The following CCDC144A variants were observed in gnomAD, a reference collection of about 807,000 sequenced individuals.
CCDC144A encodes coiled-coil domain containing 144A.
CCDC144A carries 41 observed loss-of-function variants against 143.8 expected under a neutral mutation model. That is an observed-to-expected ratio of 0.29 (90% CI 0.22 to 0.37). The LOEUF is 0.37. CCDC144A is among the 10% of genes least tolerant of loss of function. CCDC144A has a pLI of 1.00. For synonymous variants in CCDC144A, 242 were observed against 517.9 expected (o/e 0.47, Z 7.23); for missense variants, 637 against 1,488.8 (o/e 0.43, Z 9.41).
chr17:16,726,360 G>C (rs1031687517), intron 8 of CCDC144A, among the ~76,000 whole-genome samples: 2 of 139,456 alleles, frequency 1.4e-5, no homozygotes, highest in Non-Finnish European at 3.0e-5. Context: ...CAGCCTGGGC[G>C]ACACAGCGAG....
At position 16,710,142 on chromosome 17, in the gene CCDC144A, C is replaced by T. The variant is rs574524375; in HGVS notation, c.1578+507C>T. On this transcript the variant is annotated intron_variant, in intron 5 of 16. Transcript: ENST00000399273. ...ATCATTTGAGGCCAGGCATTCTGGGCCGTAGTGTGCTATGCCGATCAGGTG... is the reference window on the plus strand; with the variant it reads ...ATCATTTGAGGCCAGGCATTCTGGGTCGTAGTGTGCTATGCCGATCAGGTG... 39 of 178,618 alleles carry T rather than the reference C, an allele frequency of 2.2e-4. No homozygotes were observed. The East Asian group carries it at 6.4e-3, about 29-fold the overall frequency. 11.1% of individuals were successfully genotyped at this position (178,618 alleles called of 1,614,324 possible).
the CCDC144A span, among the ~76,000 whole-genome samples, chr17:16,669,739 A>G: frequency 6.6e-6 from 1 of 152,204 alleles, no homozygotes; most frequent in Non-Finnish European, 1.5e-5. Flanking sequence ...ACTGGTATCT[A>G]GATAGATCAG....
intron 2 of CCDC144A, among the ~76,000 whole-genome samples, chr17:16,704,705 A>C (rs1911945727): frequency 6.6e-6 from 1 of 152,112 alleles, no homozygotes; most frequent in Admixed American, 6.6e-5. Flanking sequence ...CATTGAGGAA[A>C]GACCATCTCA....
At chr17:16,724,881 G>A (rs1357729333) in intron 8 of CCDC144A, among the ~76,000 whole-genome samples, 1 of 120,042 alleles carries the variant, frequency 8.3e-6, no homozygotes, top group African/African-American at 3.2e-5. Flanking sequence ...TCAATCTCCT[G>A]ACCTCGTGAT....
rs760778514 is a variant in CCDC144A, at chr17:16,690,368, G to C, written c.-33G>C. Reference sequence around the variant, plus strand: ...TTGGAAACCGCGGGCTATCCTGCTGGGAGGTTGTGGCCGAGGCAGTAGCTC... The same window carrying C: ...TTGGAAACCGCGGGCTATCCTGCTGCGAGGTTGTGGCCGAGGCAGTAGCTC... On this transcript the variant is annotated 5_prime_UTR_variant, in exon 1 of 17. Transcript: ENST00000399273. 17 of 1,466,700 alleles carry C rather than the reference G, an allele frequency of 1.2e-5. No homozygotes were observed. The Admixed American group carries it at 3.0e-4, about 26-fold the overall frequency. The allele number at this position is 1,466,700 out of a possible 1,614,324, so 90.9% of individuals were successfully genotyped here.
At chr17:16,681,322 C>T in the CCDC144A span, among the ~76,000 whole-genome samples, 1 of 151,934 alleles carries the variant, frequency 6.6e-6, no homozygotes, top group African/African-American at 2.4e-5. Flanking sequence ...AAAATCAAAA[C>T]AAATGGAAAT....
At chr17:16,706,723 T>C (rs1294018957) in intron 3 of CCDC144A, 1 of 151,752 alleles carries the variant, frequency 6.6e-6, no homozygotes, top group East Asian at 1.9e-4. Flanking sequence ...CTGAGTAAAA[T>C]AGATAATGAC....
intron 2 of CCDC144A, 87 bp downstream of exon 2, chr17:16,693,136 G>A: frequency 6.6e-7 from 1 of 1,511,146 alleles, no homozygotes; most frequent in Middle Eastern, 2.5e-4. Flanking sequence ...TCATGAAAGA[G>A]CAGTTTTAAA....
the CCDC144A span, among the ~76,000 whole-genome samples, chr17:16,674,043 T>C: frequency 1.3e-5 from 2 of 152,132 alleles, no homozygotes; most frequent in Non-Finnish European, 2.9e-5. Flanking sequence ...TACAGGCCCA[T>C]GCTGTTAACA....
At chr17:16,716,813 T>C in intron 6 of CCDC144A, among the ~76,000 whole-genome samples, 1 of 126,902 alleles carries the variant, frequency 7.9e-6, no homozygotes, top group South Asian at 2.4e-4. Flanking sequence ...ATTCCAGCTG[T>C]TTTTTTTTTT....
the CCDC144A span, among the ~76,000 whole-genome samples, chr17:16,671,089 C>T: frequency 2.6e-5 from 4 of 151,188 alleles, no homozygotes; most frequent in African/African-American, 9.7e-5. Context: ...TGAGTTCAAG[C>T]GATTCTCCTG....
intron 8 of CCDC144A, among the ~76,000 whole-genome samples, chr17:16,726,046 A>G (rs1022958566): frequency 2.0e-5 from 3 of 152,082 alleles, no homozygotes; most frequent in African/African-American, 7.2e-5. Context: ...CATTCCTGAC[A>G]TTGTAATTTG....
intron 12 of CCDC144A, among the ~76,000 whole-genome samples, chr17:16,756,525 C>A (rs1915095900): frequency 1.3e-5 from 2 of 148,808 alleles, no homozygotes; most frequent in South Asian, 4.3e-4. Context: ...TTTCCTGATT[C>A]ATTTGTATTA....
chr17:16,770,658 T>G (rs1915792040), intron 15 of CCDC144A, among the ~76,000 whole-genome samples: 1 of 152,076 alleles, frequency 6.6e-6, no homozygotes, highest in African/African-American at 2.4e-5. Context: ...CATTCATACG[T>G]TTAAGTAAAT....
intron 8 of CCDC144A, among the ~76,000 whole-genome samples, chr17:16,726,380 C>CA (rs1172386875): frequency 0.045 from 3,113 of 69,578 alleles, 77 homozygotes; most frequent in African/African-American, 0.06. Flanking sequence ...GACTCCGTCT[C>CA]AAAAAAAAAA....
intron 15 of CCDC144A, among the ~76,000 whole-genome samples, chr17:16,770,446 G>A (rs3874850): frequency 0.02 from 3,028 of 152,188 alleles, 58 homozygotes; most frequent in African/African-American, 0.069. Flanking sequence ...ACCGTGCCCA[G>A]CCTGAGTTAT....
the CCDC144A span, among the ~76,000 whole-genome samples, chr17:16,670,494 G>A: frequency 7.3e-5 from 11 of 150,016 alleles, no homozygotes; most frequent in African/African-American, 2.5e-4. Flanking sequence ...GATAACACTA[G>A]GAAGACCTAC....
Position 16,775,837 on chromosome 17 carries a change from G to C in CCDC144A, c.*2204G>C, listed in dbSNP as rs1406028113. ...TTCTTCCAGGATTTTTATAGTTTTGGGTTGTAGATTTAAGTCTTTAATCCA... is the reference window on the plus strand; with the variant it reads ...TTCTTCCAGGATTTTTATAGTTTTGCGTTGTAGATTTAAGTCTTTAATCCA... On this transcript the variant is annotated 3_prime_UTR_variant, in exon 17 of 17. Transcript: ENST00000399273. 6.6e-6 allele frequency: 1 copy of C among 152,242 alleles called. No individual in the cohort carries two copies. Among genetic ancestry groups the C allele is most frequent in the African/African-American group, 2.4e-5 (1 of 41,448 alleles). The allele number at this position is 152,242 out of a possible 1,614,324, so 9.4% of individuals were successfully genotyped here.
At chr17:16,680,733 C>T in the CCDC144A span, among the ~76,000 whole-genome samples, 93,068 of 151,554 alleles carry the variant, frequency 0.61, 29,286 homozygotes, top group African/African-American at 0.73. Context: ...GTTTCAAGCT[C>T]TACAGTAGCA....
Sources: gnomAD v4.1 joint callset for allele counts (sites outside exome capture counted in the v4.1 genomes callset) on GRCh38, gnomAD v4.1.1 for gene constraint, MANE v1.5 for transcripts, NCBI Gene and HGNC (gene_info 2026-07-23, HGNC 2026-07-21) for gene names.